The following COL4A4 variants were observed in gnomAD, a reference collection of about 807,000 sequenced individuals.
COL4A4 encodes collagen alpha-4(IV) chain.
Under a neutral mutation model 192.9 loss-of-function variants are expected in COL4A4, and 105 were observed. The observed-to-expected ratio is 0.54, with a 90% CI of 0.46 to 0.64. COL4A4 has a LOEUF of 0.64. Ranked by LOEUF, COL4A4 falls within the 30% of genes least tolerant of loss-of-function variation. The pLI, the probability that COL4A4 is intolerant of heterozygous loss-of-function variation, is 0.00. For missense variants in COL4A4, 1,967 were observed against 2,169.3 expected (o/e 0.91, Z 1.85); for synonymous variants, 762 against 769.9 (o/e 0.99, Z 0.17).
intron 41 of COL4A4, among the ~76,000 whole-genome samples, chr2:227,029,148 G>A (rs1260950699): frequency 2.6e-5 from 4 of 152,164 alleles, no homozygotes; most frequent in Non-Finnish European, 4.4e-5. Flanking sequence ...CATGATTAGC[G>A]GTTCCACCAA....
At chr2:227,097,741 A>C (rs1463479071) in intron 19 of COL4A4, among the ~76,000 whole-genome samples, 2 of 152,208 alleles carry the variant, frequency 1.3e-5, no homozygotes, top group African/African-American at 4.8e-5. Context: ...AACTAGACAA[A>C]GCTTTTCCAC....
intron 19 of COL4A4, 109 bp downstream of exon 19, chr2:227,098,585 C>A (rs2060331872): frequency 4.7e-6 from 4 of 842,738 alleles, no homozygotes; most frequent in South Asian, 4.4e-5. Context: ...TATTATTTTA[C>A]ACAATCCTAA....
intron 23 of COL4A4, among the ~76,000 whole-genome samples, chr2:227,080,875 C>T (rs139414730): frequency 4.6e-5 from 7 of 152,264 alleles, no homozygotes; most frequent in South Asian, 4.1e-4. Context: ...GAATGGTCTG[C>T]GGTTGGGTAC....
intron 25 of COL4A4, among the ~76,000 whole-genome samples, chr2:227,066,092 A>G (rs1013263800): frequency 1.3e-5 from 2 of 152,246 alleles, no homozygotes; most frequent in Non-Finnish European, 2.9e-5. Context: ...AAGCCTCAGG[A>G]GCCGATGCGA....
intron 4 of COL4A4, among the ~76,000 whole-genome samples, chr2:227,130,833 G>A (rs1165488258): frequency 1.3e-5 from 2 of 152,004 alleles, no homozygotes; most frequent in Non-Finnish European, 2.9e-5. Flanking sequence ...TGGGAGGCCC[G>A]CATGCCTCTA....
At chr2:227,012,632 C>CAAAA (rs61163440) in intron 44 of COL4A4, among the ~76,000 whole-genome samples, 12,726 of 109,990 alleles carry the variant, frequency 0.12, 843 homozygotes, top group African/African-American at 0.17. Flanking sequence ...TATTTGACTT[C>CAAAA]AAAAAAAAAA....
chr2:227,025,907 A>G, intron 42 of COL4A4, 97 bp from the exon 43 acceptor site: 1 of 1,063,822 alleles, frequency 9.4e-7, no homozygotes, highest in Admixed American at 2.0e-5. Flanking sequence ...AATGAAATAG[A>G]TTAAGAACAT....
At position 227,003,521 on chromosome 2, in the gene COL4A4, T is replaced by A. The variant is rs1311018053; in HGVS notation, c.*3804A>T. 4 of 152,224 alleles carry A rather than the reference T, an allele frequency of 2.6e-5. No individual in the cohort carries two copies. Among genetic ancestry groups the A allele is most frequent in the Non-Finnish European group, 5.9e-5 (4 of 68,042 alleles). The allele number at this position is 152,224 out of a possible 1,614,324, so 9.4% of individuals were successfully genotyped here. ...CAAGTAAAAGTAACAATTATCAGAT[T>A]ATTCCAGTGAGCTGATAGAAACACA... On this transcript the variant is annotated 3_prime_UTR_variant, in exon 48 of 48. Transcript: ENST00000396625.
intron 23 of COL4A4, among the ~76,000 whole-genome samples, chr2:227,081,446 G>C (rs556597134): frequency 6.6e-6 from 1 of 152,232 alleles, no homozygotes; most frequent in East Asian, 1.9e-4. Context: ...GGTTTGCCAG[G>C]GCTCTTGTGC....
intron 19 of COL4A4, among the ~76,000 whole-genome samples, chr2:227,096,860 A>C (rs2060230918): frequency 6.6e-6 from 1 of 152,242 alleles, no homozygotes; most frequent in Non-Finnish European, 1.5e-5. Context: ...TCTGACTCTG[A>C]AACTGTGCTT....
chr2:227,054,222 A>C (rs1362014462), intron 31 of COL4A4, among the ~76,000 whole-genome samples: 1 of 152,130 alleles, frequency 6.6e-6, no homozygotes, highest in Non-Finnish European at 1.5e-5. Flanking sequence ...TGAAATTGTT[A>C]TTATCAGGCT....
chr2:227,029,699 C>A (rs1283404595), intron 41 of COL4A4, among the ~76,000 whole-genome samples: 1 of 152,188 alleles, frequency 6.6e-6, no homozygotes, highest in African/African-American at 2.4e-5. Context: ...CAAAAAGCTT[C>A]TTTGAACCTA....
intron 31 of COL4A4, among the ~76,000 whole-genome samples, chr2:227,053,963 C>T (rs556301735): frequency 7.8e-4 from 119 of 152,224 alleles, no homozygotes; most frequent in African/African-American, 2.6e-3. Flanking sequence ...ATCCTTCCTG[C>T]TGCCAGTTTC....
chr2:227,101,541 A>G lies in COL4A4; in HGVS notation c.992T>C (p.Val331Ala). ...TAATCCAAATAGCCCAGGATCTCCA[A>G]CCAGTCCTAGTTCTCCCTACAAACA... ...FPGLKGELGL[V>A]GDPGLFGLIG... The change falls in exon 17 of 48, where the codon GTT (valine) becomes GCT (alanine). Residue 331 changes from valine to alanine, a missense_variant. Physicochemically the swap from Val to Ala is moderately conservative, Grantham distance 64. Coordinates refer to ENST00000396625, the MANE Select transcript of COL4A4 (RefSeq NM_000092.5). The G allele has an allele frequency of 3.7e-6, 6 of 1,612,466 alleles. No individual in the cohort carries two copies. Among genetic ancestry groups the G allele is most frequent in the Non-Finnish European group, 5.1e-6 (6 of 1,179,208 alleles).
intron 42 of COL4A4, among the ~76,000 whole-genome samples, chr2:227,026,905 A>T (rs1465397479): frequency 6.6e-6 from 1 of 152,242 alleles, no homozygotes; most frequent in Non-Finnish European, 1.5e-5. Context: ...AACAAATAAT[A>T]ATCAAATCAG....
At chr2:227,035,512 G>A (rs1162319350) in intron 37 of COL4A4, among the ~76,000 whole-genome samples, 2 of 147,634 alleles carry the variant, frequency 1.4e-5, no homozygotes, top group African/African-American at 2.5e-5. Context: ...GTTCAAATGA[G>A]CCATATTCTC....
intron 9 of COL4A4, chr2:227,109,522 G>A (rs1195456906): frequency 1.5e-5 from 10 of 669,774 alleles, no homozygotes; most frequent in Non-Finnish European, 2.5e-5. Flanking sequence ...GCCAAGTGGG[G>A]CAGATCACGA....
At chr2:227,070,321 G>A (rs2150387489) in intron 25 of COL4A4, among the ~76,000 whole-genome samples, 1 of 152,176 alleles carries the variant, frequency 6.6e-6, no homozygotes, top group East Asian at 1.9e-4. Context: ...CGATTCCTCA[G>A]GGATCTAGAA....
chr2:227,101,959 T>C, intron 15 of COL4A4, 50 bp from the exon 16 acceptor site: 1 of 1,387,416 alleles, frequency 7.2e-7, no homozygotes, highest in Admixed American at 1.8e-5. Context: ...CAGAATGCAT[T>C]AACCAGCTCA....
Sources: gnomAD v4.1 joint callset for allele counts (sites outside exome capture counted in the v4.1 genomes callset) on GRCh38, gnomAD v4.1.1 for gene constraint, MANE v1.5 for transcripts, NCBI Gene and HGNC (gene_info 2026-07-23, HGNC 2026-07-21) for gene names.